The following PRKN variants were observed in gnomAD, a reference collection of about 807,000 sequenced individuals.
PRKN encodes the protein E3 ubiquitin-protein ligase parkin.
In PRKN, 56 loss-of-function variants were observed where a neutral mutation model predicts 59.5. The observed-to-expected ratio is 0.94, with a 90% CI of 0.76 to 1.18. The LOEUF (loss-of-function observed/expected upper bound fraction) is 1.18, where lower values mean the gene tolerates loss of function less well. Among genes scored for constraint, PRKN ranks in the 50% most tolerant of loss-of-function variants. The pLI is 0.00. For missense variants in PRKN, 657 were observed against 596.4 expected, an observed-to-expected ratio of 1.10 and a Z score of -1.06; for synonymous variants, 250 against 222.1, an observed-to-expected ratio of 1.13 and a Z score of -1.12.
At chr6:162,422,715 C>T (rs570715289) in intron 2 of PRKN, among the ~76,000 whole-genome samples, 23 of 152,120 alleles carry the variant, frequency 1.5e-4, no homozygotes, top group East Asian at 3.9e-4. Context: ...GAGGCTGAGG[C>T]GGGCGGATTG....
chr6:161,572,115 CTT>C (rs1780913596), intron 7 of PRKN, among the ~76,000 whole-genome samples: 1 of 152,180 alleles, frequency 6.6e-6, no homozygotes, highest in Admixed American at 6.5e-5. Flanking sequence ...CCTCTTGTCT[CTT>C]TCTCTTTATA....
intron 1 of PRKN, among the ~76,000 whole-genome samples, chr6:162,475,844 C>T (rs113599904): frequency 3.0e-4 from 46 of 152,340 alleles, no homozygotes; most frequent in African/African-American, 9.4e-4. Context: ...CTCCGCCTCC[C>T]GGGCTCAAGT....
At position 161,546,049 on chromosome 6, in the gene PRKN, G is replaced by A. The variant is rs1319441432; in HGVS notation, c.1083+2805C>T. On this transcript the variant is annotated intron_variant, in intron 9 of 11. Transcript: ENST00000366898. This position sits in a 1 kb window ranked among gnomAD's most constrained non-coding sequence, Gnocchi z 4.4. ...CTGCCGTAGATCTGACTACATCCTG[G>A]ATTCTAGACTATTTGGAAGAGTATA... Among the ~76,000 whole-genome samples, 1 of 152,146 alleles carries A rather than the reference G, an allele frequency of 6.6e-6. No homozygotes were observed. The highest frequency in any genetic ancestry group is 1.5e-5 in the Non-Finnish European group (1 of 68,020).
chr6:162,369,236 A>T (rs905295604), intron 2 of PRKN, among the ~76,000 whole-genome samples: 7 of 152,210 alleles, frequency 4.6e-5, no homozygotes, highest in Non-Finnish European at 7.3e-5. Flanking sequence ...CTATTTTTAT[A>T]TTGAATTGGC....
chr6:161,851,857 CG>C (rs1486114444), intron 6 of PRKN, among the ~76,000 whole-genome samples: 3 of 151,222 alleles, frequency 2.0e-5, no homozygotes, highest in Non-Finnish European at 4.4e-5. Flanking sequence ...GAGGCCGAGG[CG>C]GGCGGATCAC....
intron 4 of PRKN, among the ~76,000 whole-genome samples, chr6:162,178,476 A>G (rs969393441): frequency 5.9e-5 from 9 of 152,168 alleles, no homozygotes; most frequent in African/African-American, 2.2e-4. Flanking sequence ...TCCCTGGCCT[A>G]TGGCTCCGGT....
chr6:161,903,824 CT>C (rs1778027340), intron 6 of PRKN, among the ~76,000 whole-genome samples: 1 of 149,372 alleles, frequency 6.7e-6, no homozygotes, highest in Non-Finnish European at 1.5e-5. Flanking sequence ...TTAATGGTCC[CT>C]TTTATTGTAT....
At chr6:162,252,371 G>C (rs1217598415) in intron 3 of PRKN, among the ~76,000 whole-genome samples, 1 of 152,206 alleles carries the variant, frequency 6.6e-6, no homozygotes, top group Non-Finnish European at 1.5e-5. Flanking sequence ...GTACCTTCTA[G>C]TGTTGACTGC....
rs116229454 is a variant in PRKN, at chr6:161,949,752, T to C, written c.734+23550A>G. Among the ~76,000 whole-genome samples, 547 of 152,308 alleles carry C rather than the reference T, an allele frequency of 3.6e-3. 3 individuals carry two copies. Among genetic ancestry groups the C allele is most frequent in the African/African-American group, 0.012 (511 of 41,570 alleles). Reference sequence around the variant, plus strand: ...GGGATGACTAACCACCTCCTCTGCATGGTAACCTACTGCTGATACCACAAG... The same window carrying C: ...GGGATGACTAACCACCTCCTCTGCACGGTAACCTACTGCTGATACCACAAG... On this transcript the variant is annotated intron_variant, in intron 6 of 11. Transcript: ENST00000366898.
Position 161,545,148 on chromosome 6 carries a change from G to C in PRKN, c.1083+3706C>G. ...AACTTTTTTATACGCGATTTTTTTTGTAACAGCTAACATTTCTTGCATACC... is the reference window on the plus strand; with the variant it reads ...AACTTTTTTATACGCGATTTTTTTTCTAACAGCTAACATTTCTTGCATACC... On this transcript the variant is annotated intron_variant, in intron 9 of 11. Transcript: ENST00000366898. The surrounding 1 kb of genome is among the most constrained non-coding windows in gnomAD (Gnocchi z 4.1). The C allele has an allele frequency of 7.8e-7, 1 of 1,288,600 alleles. No individual in the cohort carries two copies. The highest frequency in any genetic ancestry group is 9.8e-7 in the Non-Finnish European group (1 of 1,019,812). The allele number at this position is 1,288,600 out of a possible 1,614,324, so 79.8% of individuals were successfully genotyped here.
Position 161,417,597 on chromosome 6 carries a change from T to TCAC in PRKN, c.1084-30723_1084-30721dup, listed in dbSNP as rs1446445543. On this transcript the variant is annotated intron_variant, in intron 9 of 11. Coordinates refer to ENST00000366898, the MANE Select transcript of PRKN (RefSeq NM_004562.3). The surrounding 1 kb of genome is among the most constrained non-coding windows in gnomAD (Gnocchi z 5.4). The stretch of plus-strand genomic sequence containing the variant: ...GTTTGTGTCTTAGAAAAGAAAAAAC[T>TCAC]CACGGGGCTGGGGGTTACATCTATT... Among the ~76,000 whole-genome samples, 1 of 152,066 alleles carries TCAC rather than the reference T, an allele frequency of 6.6e-6. No homozygotes were observed. The highest frequency in any genetic ancestry group is 2.4e-5 in the African/African-American group (1 of 41,370).
chr6:162,316,826 C>T (rs1474658070), intron 2 of PRKN, among the ~76,000 whole-genome samples: 1 of 152,004 alleles, frequency 6.6e-6, no homozygotes, highest in Non-Finnish European at 1.5e-5. Context: ...TGAAATAAGA[C>T]ATATTTATAT....
rs1370257775 is a variant in PRKN, at chr6:161,503,225, G to A, written c.1083+45629C>T. ...TAATACTAGATTGACTAAAAGGAGG[G>A]TAGAACGGGAGGGGGCTGCTGCTGT... On this transcript the variant is annotated intron_variant, in intron 9 of 11. Transcript: ENST00000366898. The surrounding 1 kb of genome is among the most constrained non-coding windows in gnomAD (Gnocchi z 5.1). Among the ~76,000 whole-genome samples the A allele has an allele frequency of 6.6e-6, 1 of 152,094 alleles. No individual in the cohort carries two copies. Among genetic ancestry groups the A allele is most frequent in the Non-Finnish European group, 1.5e-5 (1 of 68,026 alleles).
chr6:161,897,817 A>G (rs1031651376), intron 6 of PRKN, among the ~76,000 whole-genome samples: 1 of 102,070 alleles, frequency 9.8e-6, no homozygotes, highest in Non-Finnish European at 1.8e-5. Context: ...AAAATACAAA[A>G]AGTTCCGGGC....
At chr6:161,996,307 C>T (rs371876691) in intron 5 of PRKN, among the ~76,000 whole-genome samples, 22 of 152,260 alleles carry the variant, frequency 1.4e-4, no homozygotes, top group African/African-American at 5.3e-4. Context: ...GGACAAATAC[C>T]TTTCCAAAGT....
At chr6:162,302,553 A>G (rs1782007971) in intron 2 of PRKN, among the ~76,000 whole-genome samples, 1 of 152,096 alleles carries the variant, frequency 6.6e-6, no homozygotes, top group African/African-American at 2.4e-5. Flanking sequence ...AGAGCCAGTG[A>G]GGAATGGAGT....
intron 4 of PRKN, among the ~76,000 whole-genome samples, chr6:162,160,798 G>T (rs1418699257): frequency 1.4e-5 from 2 of 145,150 alleles, no homozygotes; most frequent in African/African-American, 5.1e-5. Context: ...GGCTGAGGCA[G>T]GAGAATGGCG....
At chr6:162,501,858 C>T (rs922213741) in intron 1 of PRKN, among the ~76,000 whole-genome samples, 2 of 152,048 alleles carry the variant, frequency 1.3e-5, no homozygotes, top group African/African-American at 4.8e-5. Flanking sequence ...AAGTATTCAC[C>T]CTTAGGCCAC....
rs1396843503 is a variant in PRKN, at chr6:161,552,784, GTTGTTTTTGTTTT to G, written c.934-3794_934-3782del. Among the ~76,000 whole-genome samples, 10 of 115,338 alleles carry G rather than the reference GTTGTTTTTGTTTT, an allele frequency of 8.7e-5. No individual in the cohort carries two copies. The highest frequency in any genetic ancestry group is 2.6e-4 in the African/African-American group (9 of 34,460). The allele number at this position is 115,338 out of a possible 152,430, so 75.7% of individuals were successfully genotyped here. A position where few individuals can be genotyped will look rare whatever the true frequency, so the allele number is the denominator to read the frequency against. On this transcript the variant is annotated intron_variant, in intron 8 of 11. Coordinates refer to ENST00000366898, the MANE Select transcript of PRKN (RefSeq NM_004562.3). The surrounding 1 kb of genome is among the most constrained non-coding windows in gnomAD (Gnocchi z 4.9). ...TCCTAAAAGACACCATGGTTTTGTT[GTTGTTTTTGTTTT>G]TTGTTTTTTTTTTTTAGACGGAGTC...
Sources: allele counts gnomAD v4.1 joint callset (sites outside exome capture counted in the v4.1 genomes callset), GRCh38; gene constraint gnomAD v4.1.1; non-coding constraint Gnocchi (gnomAD v3.1); transcripts MANE v1.5; gene names NCBI Gene and HGNC (gene_info 2026-07-23, HGNC 2026-07-21).